The following SIK3 variants were observed in gnomAD, a reference collection of about 807,000 sequenced individuals.
The protein encoded by SIK3 is SIK family kinase 3.
Under a neutral mutation model 144.2 loss-of-function variants are expected in SIK3, and 28 were observed. That is an observed-to-expected ratio of 0.19 (90% CI 0.14 to 0.27). The LOEUF (loss-of-function observed/expected upper bound fraction) is 0.27. Among genes scored for constraint, SIK3 ranks in the 10% least tolerant of loss-of-function variants. The pLI, the probability that SIK3 is intolerant of heterozygous loss-of-function variation, is 1.00. For missense variants in SIK3, 1,319 were observed against 1,776.0 expected, an observed-to-expected ratio of 0.74 and a Z score of 4.62; for synonymous variants, 686 against 676.3, an observed-to-expected ratio of 1.01 and a Z score of -0.22.
At chr11:116,850,290 C>CAA in intron 21 of SIK3, among the ~76,000 whole-genome samples, 1 of 152,336 alleles carries the variant, frequency 6.6e-6, no homozygotes, top group East Asian at 1.9e-4. Flanking sequence ...ATCTTCCAAT[C>CAA]AGTGTCTCAT....
At chr11:116,950,108 C>G (rs73006540) in intron 3 of SIK3, 15,390 of 470,686 alleles carry the variant, frequency 0.033, 379 homozygotes, top group Non-Finnish European at 0.048. Flanking sequence ...CAAGAGTGAT[C>G]TGGGTCCTAG....
At chr11:117,029,469 A>T (rs891057465) in intron 1 of SIK3, among the ~76,000 whole-genome samples, 3 of 152,172 alleles carry the variant, frequency 2.0e-5, no homozygotes, top group Non-Finnish European at 2.9e-5. Context: ...AAATAAAATT[A>T]AAAATTAAAA....
chr11:117,008,305 G>A (rs1326007852), intron 1 of SIK3, among the ~76,000 whole-genome samples: 3 of 152,014 alleles, frequency 2.0e-5, no homozygotes, highest in Non-Finnish European at 4.4e-5. Context: ...CAATAGATGG[G>A]TAATATTATT....
At chr11:116,912,680 C>G (rs1946411799) in intron 4 of SIK3, among the ~76,000 whole-genome samples, 1 of 152,180 alleles carries the variant, frequency 6.6e-6, no homozygotes, top group Admixed American at 6.5e-5. Flanking sequence ...AAGATATTTA[C>G]TTACCCTAAA....
intron 1 of SIK3, among the ~76,000 whole-genome samples, chr11:116,986,588 G>A (rs1950333611): frequency 6.6e-6 from 1 of 152,176 alleles, no homozygotes; most frequent in Non-Finnish European, 1.5e-5. Context: ...TCTATACATT[G>A]TCATGCACCC....
chr11:117,049,550 C>A (rs889126058), intron 1 of SIK3, among the ~76,000 whole-genome samples: 9 of 152,012 alleles, frequency 5.9e-5, no homozygotes, highest in African/African-American at 2.2e-4. Context: ...TGCATACCAG[C>A]CTAGGTGACA....
Position 116,867,952 on chromosome 11 carries a change from T to A in SIK3, c.1946A>T (p.Gln649Leu). ...RVWPPHLVPD[Q>L]HRSTYKDSNT... is the part of the protein sequence containing the mutation. ...AGCTCATGTGGCTACTCACCGATGC[T>A]GATCAGGTACCAGGTGAGGAGGCCA... The change falls in exon 15 of 25, where the codon CAG becomes CTG. Residue 649 changes from glutamine to leucine, a missense_variant. Gln to Leu is a moderately radical substitution (Grantham distance 113). This residue lies in a region of SIK3 where 47 missense variants were observed against 40.2 expected (regional missense o/e 1.17). Transcript: ENST00000445177. The surrounding 1 kb of genome is among the most constrained non-coding windows in gnomAD (Gnocchi z 4.1). 6.5e-7 allele frequency: 1 copy of A among 1,542,010 alleles called. No individual in the cohort carries two copies. The highest frequency in any genetic ancestry group is 8.8e-7 in the Non-Finnish European group (1 of 1,142,140).
intron 21 of SIK3, among the ~76,000 whole-genome samples, chr11:116,850,545 A>T (rs1458217300): frequency 6.6e-6 from 1 of 152,216 alleles, no homozygotes; most frequent in East Asian, 1.9e-4. Flanking sequence ...ACTTCAAAAG[A>T]CTTTGTCTCT....
At chr11:116,966,577 G>C (rs535748320) in intron 1 of SIK3, among the ~76,000 whole-genome samples, 2 of 152,204 alleles carry the variant, frequency 1.3e-5, no homozygotes, top group South Asian at 4.1e-4. Context: ...TTTCCACATG[G>C]TGTCATGTTG....
chr11:116,885,411 C>A (rs1036833171), intron 6 of SIK3, among the ~76,000 whole-genome samples: 3 of 152,132 alleles, frequency 2.0e-5, no homozygotes, highest in Non-Finnish European at 1.5e-5. Flanking sequence ...TCTAGGTGGG[C>A]ATGATGCTGC....
chr11:117,053,418 T>C (rs971387439), intron 1 of SIK3, among the ~76,000 whole-genome samples: 1 of 151,938 alleles, frequency 6.6e-6, no homozygotes, highest in Non-Finnish European at 1.5e-5. Context: ...TAATAATAGC[T>C]ATATTTATGA....
At chr11:116,903,850 T>C (rs1342371228) in intron 4 of SIK3, among the ~76,000 whole-genome samples, 3 of 152,140 alleles carry the variant, frequency 2.0e-5, no homozygotes, top group Admixed American at 1.3e-4. Flanking sequence ...CCTTCGTAAG[T>C]GCTGGGATTA....
At chr11:117,062,674 C>T (rs1237314347) in intron 1 of SIK3, among the ~76,000 whole-genome samples, 1 of 152,128 alleles carries the variant, frequency 6.6e-6, no homozygotes, top group Admixed American at 6.5e-5. Flanking sequence ...CATTTGTCAC[C>T]TCTGACTAAA....
In SIK3 at chr11:116,858,067, T is replaced by A; in HGVS notation, c.3398A>T (p.His1133Leu). 2 of 1,613,646 alleles carry A rather than the reference T, an allele frequency of 1.2e-6. No homozygotes were observed. Among genetic ancestry groups the A allele is most frequent in the South Asian group, 2.2e-5 (2 of 91,004 alleles). The change falls in exon 21 of 25, where the codon CAC becomes CTC. Residue 1133 changes from histidine (H) to leucine (L), a missense_variant. Physicochemically the swap from His to Leu is moderately conservative, Grantham distance 99 (BLOSUM62 -3). Transcript: ENST00000445177. This position sits in a 1 kb window ranked among gnomAD's most constrained non-coding sequence, Gnocchi z 5.4. Reference protein sequence around the residue: ...SSPTPPHGYAHQPALMHSESM... With the variant: ...SSPTPPHGYALQPALMHSESM... ...CTCTGAATGCATCAGTGCCGGCTGGTGAGCATACCCGTGGGGCGGGGTGGG... is the reference window on the plus strand; with the variant it reads ...CTCTGAATGCATCAGTGCCGGCTGGAGAGCATACCCGTGGGGCGGGGTGGG...
rs554996960 is a variant in SIK3 at position 116,858,353 on chromosome 11, T to C, written c.3112A>G (p.Thr1038Ala). The C allele has an allele frequency of 1.3e-5, 21 of 1,613,780 alleles. No homozygotes were observed. In the South Asian group the frequency reaches 1.4e-4, roughly 11 times the overall value. ...TGHSDIRLPPTEFAQLIKRQQ... is the reference protein window; with the variant it reads ...TGHSDIRLPPAEFAQLIKRQQ... The stretch of plus-strand genomic sequence containing the variant: ...CTTTTAATGAGCTGTGCAAACTCTG[T>C]TGGGGGCAGCCGGATGTCCGAGTGG... The change falls in exon 21 of 25, where the codon ACA (threonine) becomes GCA (alanine). Residue 1038 changes from threonine (T) to alanine (A), a missense_variant. Transcript: ENST00000445177. This position sits in a 1 kb window ranked among gnomAD's most constrained non-coding sequence, Gnocchi z 5.4.
chr11:116,975,910 T>C (rs1311382719), intron 1 of SIK3, among the ~76,000 whole-genome samples: 2 of 152,220 alleles, frequency 1.3e-5, no homozygotes, highest in African/African-American at 4.8e-5. Context: ...ACAGCCATCT[T>C]AGTGGATACG....
intron 1 of SIK3, among the ~76,000 whole-genome samples, chr11:116,972,267 C>T (rs1949791296): frequency 6.6e-6 from 1 of 152,078 alleles, no homozygotes; most frequent in African/African-American, 2.4e-5. Context: ...GCCAGACAGT[C>T]GAGCTCAAGA....
Position 116,858,792 on chromosome 11 carries a change from G to A in SIK3, c.2766-93C>T, listed in dbSNP as rs941211718. The A allele has an allele frequency of 8.8e-6, 13 of 1,479,678 alleles. No individual in the cohort carries two copies. The highest frequency in any genetic ancestry group is 4.2e-5 in the South Asian group (3 of 71,776). 91.7% of individuals were successfully genotyped at this position (1,479,678 alleles called of 1,614,324 possible). A position where few individuals can be genotyped will look rare whatever the true frequency, so the allele number is the denominator to read the frequency against. ...CCTCCTCAGTAGGGAGAACCCACTG[G>A]TACAGAGAACTGTGGTGTGACAGAG... On this transcript the variant is annotated intron_variant, in intron 20 of 24. Transcript: ENST00000445177. This position sits in a 1 kb window ranked among gnomAD's most constrained non-coding sequence, Gnocchi z 5.4.
chr11:117,054,256 C>A (rs560036388), intron 1 of SIK3, among the ~76,000 whole-genome samples: 19 of 152,238 alleles, frequency 1.2e-4, no homozygotes, highest in Non-Finnish European at 2.2e-4. Context: ...GAGGGGACAA[C>A]CCTCTAAGCA....
Sources: gnomAD v4.1 joint callset for allele counts (sites outside exome capture counted in the v4.1 genomes callset) on GRCh38, gnomAD v4.1.1 for gene constraint, gnomAD v4.1.1 regional missense constraint, Gnocchi (gnomAD v3.1) non-coding constraint, MANE v1.5 for transcripts, NCBI Gene and HGNC (gene_info 2026-07-23, HGNC 2026-07-21) for gene names.